Variants in RBBP8 observed in about 807,000 individuals in gnomAD.
RBBP8 encodes DNA endonuclease RBBP8.
Under a neutral mutation model 108.3 loss-of-function variants are expected in RBBP8, and 88 were observed. That is an observed-to-expected ratio of 0.81 (90% CI 0.68 to 0.97). The LOEUF (loss-of-function observed/expected upper bound fraction) is 0.97. Ranked by LOEUF, RBBP8 falls within the 50% of genes least tolerant of loss-of-function variation. The pLI is 0.00. For synonymous variants in RBBP8, 332 were observed against 348.2 expected, an observed-to-expected ratio of 0.95 and a Z score of 0.52; for missense variants, 1,023 against 1,049.0, an observed-to-expected ratio of 0.98 and a Z score of 0.34.
chr18:22,924,126 G>GT (rs1567937530), intron 3 of RBBP8, among the ~76,000 whole-genome samples: 4 of 78,784 alleles, frequency 5.1e-5, no homozygotes, highest in African/African-American at 1.6e-4. Context: ...GTTTGTTTTT[G>GT]GTTTTTTTTT....
intron 7 of RBBP8, among the ~76,000 whole-genome samples, chr18:22,984,573 T>G (rs1488418076): frequency 2.0e-5 from 3 of 152,144 alleles, no homozygotes; most frequent in African/African-American, 7.2e-5. Context: ...TAAATTAACC[T>G]GCTGATTTGT....
At chr18:23,016,740 A>G in intron 16 of RBBP8, 88 bp from the exon 17 acceptor site, 1 of 1,033,492 alleles carries the variant, frequency 9.7e-7, no homozygotes. Context: ...TACTGAATAA[A>G]CATTTCAAAT....
At chr18:22,953,794 T>C (rs183213821) in intron 4 of RBBP8, among the ~76,000 whole-genome samples, 4 of 152,228 alleles carry the variant, frequency 2.6e-5, no homozygotes, top group African/African-American at 9.6e-5. Context: ...TTTAAAGGAC[T>C]GCCTGAGATT....
chr18:22,981,366 C>G (rs72887683), intron 6 of RBBP8, among the ~76,000 whole-genome samples: 26,995 of 151,922 alleles, frequency 0.18, 3,089 homozygotes, highest in East Asian at 0.4. Context: ...AATTTTGAAG[C>G]CTTCTTGTAG....
At position 23,019,489 on chromosome 18, in the gene RBBP8, T is replaced by A. The variant is rs923565259; in HGVS notation, c.2454+2565T>A. ...TTTATCCCATTGCCTATTCTGCAAG[T>A]GGAGTGTGCAATACTCATGTGGATC... On this transcript the variant is annotated intron_variant, in intron 17 of 18. Coordinates refer to ENST00000327155, the MANE Select transcript of RBBP8 (RefSeq NM_002894.3). Among the ~76,000 whole-genome samples, 4 of 152,214 alleles carry A rather than the reference T, an allele frequency of 2.6e-5. No individual in the cohort carries two copies. The South Asian group carries it at 8.3e-4, about 31-fold the overall frequency.
chr18:22,975,279 T>A, intron 6 of RBBP8, 60 bp downstream of exon 6: 1 of 1,588,276 alleles, frequency 6.3e-7, no homozygotes, highest in Non-Finnish European at 8.6e-7. Context: ...ACCATGAAGA[T>A]AACTGTAAGA....
At chr18:22,952,136 A>G (rs1912098544) in intron 4 of RBBP8, among the ~76,000 whole-genome samples, 1 of 152,198 alleles carries the variant, frequency 6.6e-6, no homozygotes, top group African/African-American at 2.4e-5. Flanking sequence ...TGGGGCAACA[A>G]CTAGATTTCG....
At chr18:22,930,638 C>A (rs1450023348), upstream of RBBP8, among the ~76,000 whole-genome samples, 2 of 152,076 alleles carry the variant, frequency 1.3e-5, no homozygotes, top group Non-Finnish European at 1.5e-5. Flanking sequence ...TTGAATGTAC[C>A]CAAAGGTTTC....
At chr18:23,025,861 C>G (rs1453809601) in intron 18 of RBBP8, among the ~76,000 whole-genome samples, 2 of 152,146 alleles carry the variant, frequency 1.3e-5, no homozygotes, top group African/African-American at 2.4e-5. Flanking sequence ...CCTTGGGTCT[C>G]TATTACCTCA....
At chr18:23,013,625 G>T (rs1266263113) in intron 16 of RBBP8, among the ~76,000 whole-genome samples, 28 of 152,158 alleles carry the variant, frequency 1.8e-4, no homozygotes, top group Admixed American at 1.8e-3. Flanking sequence ...TACATAGATG[G>T]TTTAAGTCTC....
chr18:23,022,651 T>TAAATAAAA (rs370599195), intron 18 of RBBP8, among the ~76,000 whole-genome samples: 1 of 84,370 alleles, frequency 1.2e-5, no homozygotes, highest in African/African-American at 5.8e-5. Context: ...TAAAATACAA[T>TAAATAAAA]ATAAAATAAA....
chr18:22,968,266 G>A (rs1383943202), intron 4 of RBBP8, among the ~76,000 whole-genome samples: 1 of 151,592 alleles, frequency 6.6e-6, no homozygotes, highest in Non-Finnish European at 1.5e-5. Flanking sequence ...TAGAGACGGT[G>A]TTTACTGTAT....
chr18:22,928,474 TG>T (rs762686573), upstream of RBBP8, among the ~76,000 whole-genome samples: 274 of 151,910 alleles, frequency 1.8e-3, 1 homozygote, highest in Non-Finnish European at 3.4e-3. Flanking sequence ...GTGTAACAAA[TG>T]GGGGTGAAAG....
At position 22,982,224 on chromosome 18, in the gene RBBP8, TC is replaced by T. The variant is rs1304566538; in HGVS notation, c.436del (p.Gln146AsnfsTer20). The T allele has an allele frequency of 6.2e-7, 1 of 1,613,348 alleles. No individual in the cohort carries two copies. The highest frequency in any genetic ancestry group is 8.5e-7 in the Non-Finnish European group (1 of 1,179,316). On this transcript the variant is annotated frameshift_variant, in exon 7 of 19. Transcript: ENST00000327155. LOFTEE classifies it high-confidence loss of function. ...CATTGTCATTCTTCTCTAGGAATGA[TC>T]AACAGCATCAAGCAGCTGAGCTTGA... ...EQLQQKIEND[Q>X]QHQAAELECE...
At chr18:22,968,962 T>C in intron 5 of RBBP8, 44 bp downstream of exon 5, 1 of 1,440,442 alleles carries the variant, frequency 6.9e-7, no homozygotes, top group Non-Finnish European at 9.6e-7. Flanking sequence ...ATGTAATGTA[T>C]TATTTTTAAG....
chr18:22,968,447 C>A (rs1255319203), intron 4 of RBBP8, among the ~76,000 whole-genome samples: 2 of 152,162 alleles, frequency 1.3e-5, no homozygotes, highest in African/African-American at 4.8e-5. Context: ...GGGTGACATA[C>A]TGTGCTGAGC....
intron 4 of RBBP8, among the ~76,000 whole-genome samples, chr18:22,963,614 G>T (rs1470892315): frequency 1.3e-5 from 2 of 152,128 alleles, no homozygotes; most frequent in Non-Finnish European, 2.9e-5. Flanking sequence ...CTACGTAGTG[G>T]TCATCAGAGG....
At chr18:23,019,764 T>TC (rs1366541986) in intron 17 of RBBP8, among the ~76,000 whole-genome samples, 2 of 149,268 alleles carry the variant, frequency 1.3e-5, no homozygotes, top group African/African-American at 4.9e-5. Context: ...TTTTATAATT[T>TC]TTTTTTTTTT....
upstream of RBBP8, among the ~76,000 whole-genome samples, chr18:22,928,373 G>A (rs1009620944): frequency 1.3e-4 from 20 of 152,124 alleles, no homozygotes; most frequent in African/African-American, 4.6e-4. Flanking sequence ...TTGTGAAAGG[G>A]TATAGAAAGG....
Sources: gnomAD v4.1 joint callset for allele counts (sites outside exome capture counted in the v4.1 genomes callset) on GRCh38, gnomAD v4.1.1 for gene constraint, MANE v1.5 for transcripts, NCBI Gene and HGNC (gene_info 2026-07-23, HGNC 2026-07-21) for gene names.